The following NSUN3 variants were observed in gnomAD, a reference collection of about 807,000 sequenced individuals.
The protein encoded by NSUN3 is NOP2/Sun RNA methyltransferase 3.
NSUN3 carries 24 observed loss-of-function variants against 36.8 expected under a neutral mutation model. The ratio of observed to expected loss-of-function variants is 0.65; its 90% confidence interval spans 0.47 to 0.92. The LOEUF is 0.92. Ranked by LOEUF, NSUN3 falls within the 40% of genes least tolerant of loss-of-function variation. NSUN3 has a pLI of 0.00. For missense variants in NSUN3, 381 were observed against 392.8 expected, an observed-to-expected ratio of 0.97 and a Z score of 0.25; for synonymous variants, 146 against 145.2, an observed-to-expected ratio of 1.01 and a Z score of -0.04.
At chr3:94,078,442 G>A (rs548672885) in intron 2 of NSUN3, among the ~76,000 whole-genome samples, 2 of 152,308 alleles carry the variant, frequency 1.3e-5, no homozygotes, top group East Asian at 3.9e-4. Flanking sequence ...TTCTGTAGAT[G>A]TCTATTAGGT....
chr3:94,123,234 T>C (rs766081427), intron 5 of NSUN3, among the ~76,000 whole-genome samples: 4 of 152,198 alleles, frequency 2.6e-5, no homozygotes, highest in Non-Finnish European at 5.9e-5. Flanking sequence ...ACTCTGAGGC[T>C]TCACTCCTTT....
intron 5 of NSUN3, among the ~76,000 whole-genome samples, chr3:94,114,613 A>T (rs2077432028): frequency 6.6e-6 from 1 of 152,016 alleles, no homozygotes; most frequent in Non-Finnish European, 1.5e-5. Context: ...TTATTTTTTT[A>T]AATAATTTAT....
chr3:94,090,429 A>AT (rs1356165909), intron 3 of NSUN3, among the ~76,000 whole-genome samples: 1 of 152,202 alleles, frequency 6.6e-6, no homozygotes, highest in East Asian at 1.9e-4. Context: ...CAGACTATAT[A>AT]TAATTTAATG....
At chr3:94,094,764 A>T (rs2077330615) in intron 4 of NSUN3, among the ~76,000 whole-genome samples, 1 of 152,200 alleles carries the variant, frequency 6.6e-6, no homozygotes, top group African/African-American at 2.4e-5. Context: ...AAGGATATCA[A>T]ATAGCATTAG....
intron 2 of NSUN3, among the ~76,000 whole-genome samples, chr3:94,077,533 G>A (rs957847039): frequency 3.9e-5 from 6 of 152,062 alleles, no homozygotes; most frequent in African/African-American, 1.4e-4. Context: ...CTCTTTGTAC[G>A]TTTGGTAGAA....
At chr3:94,092,575 T>C (rs1168928571) in intron 3 of NSUN3, among the ~76,000 whole-genome samples, 1 of 151,938 alleles carries the variant, frequency 6.6e-6, no homozygotes, top group Admixed American at 6.6e-5. Context: ...CTCAACAAAA[T>C]TGATGCCATC....
chr3:94,092,194 G>T (rs1033406455), intron 3 of NSUN3, among the ~76,000 whole-genome samples: 3 of 152,148 alleles, frequency 2.0e-5, no homozygotes, highest in African/African-American at 7.2e-5. Flanking sequence ...GAGACAAAAA[G>T]CAGCCAGCAG....
intron 5 of NSUN3, among the ~76,000 whole-genome samples, chr3:94,096,730 C>T (rs1485733069): frequency 6.6e-6 from 1 of 152,110 alleles, no homozygotes; most frequent in Non-Finnish European, 1.5e-5. Context: ...GAACTCCTGA[C>T]CTCAAGTGAT....
At chr3:94,096,250 G>A (rs115238430) in intron 5 of NSUN3, among the ~76,000 whole-genome samples, 10 of 152,084 alleles carry the variant, frequency 6.6e-5, no homozygotes, top group African/African-American at 1.4e-4. Flanking sequence ...ATCAGATTAC[G>A]TCTCAGCTGA....
intron 2 of NSUN3, among the ~76,000 whole-genome samples, chr3:94,072,120 G>C (rs1309076352): frequency 6.6e-6 from 1 of 152,214 alleles, no homozygotes; most frequent in Admixed American, 6.5e-5. Context: ...TAGGCAGGAT[G>C]TGGCAAGCTG....
At chr3:94,122,441 G>A (rs79511655) in intron 5 of NSUN3, among the ~76,000 whole-genome samples, 2,087 of 152,010 alleles carry the variant, frequency 0.014, 47 homozygotes, top group African/African-American at 0.047. Flanking sequence ...TTCTAAAATT[G>A]TCAAAAAATT....
At chr3:94,087,356 A>G (rs908599869) in intron 3 of NSUN3, among the ~76,000 whole-genome samples, 3 of 152,200 alleles carry the variant, frequency 2.0e-5, no homozygotes, top group Non-Finnish European at 4.4e-5. Flanking sequence ...ACTGACCTTT[A>G]TTCTGGGCCA....
intron 5 of NSUN3, among the ~76,000 whole-genome samples, chr3:94,109,168 C>A (rs1449837634): frequency 6.6e-6 from 1 of 152,058 alleles, no homozygotes; most frequent in East Asian, 1.9e-4. Flanking sequence ...GGTGAAGAGA[C>A]CATTTTTATT....
At chr3:94,125,716 G>T (rs1401667273) in intron 5 of NSUN3, among the ~76,000 whole-genome samples, 1 of 152,082 alleles carries the variant, frequency 6.6e-6, no homozygotes, top group Admixed American at 6.6e-5. Context: ...CATGTTGATT[G>T]GTCTGATTAT....
intron 2 of NSUN3, among the ~76,000 whole-genome samples, chr3:94,071,637 T>C (rs766337668): frequency 1.3e-5 from 2 of 152,160 alleles, no homozygotes; most frequent in Non-Finnish European, 2.9e-5. Flanking sequence ...CAAAATGATA[T>C]CAGTGGTGCA....
intron 5 of NSUN3, among the ~76,000 whole-genome samples, chr3:94,112,866 A>G (rs1210482992): frequency 2.0e-5 from 3 of 152,102 alleles, no homozygotes; most frequent in Non-Finnish European, 4.4e-5. Flanking sequence ...AGAGAATAAC[A>G]AAACTCTTTT....
Position 94,084,125 on chromosome 3 carries a change from A to G in NSUN3, c.141A>G (p.Pro47=), listed in dbSNP as rs1351021201. 2 of 1,613,434 alleles carry G rather than the reference A, an allele frequency of 1.2e-6. No homozygotes were observed. Among genetic ancestry groups the G allele is most frequent in the South Asian group, 1.1e-5 (1 of 90,998 alleles). Residue 47 remains proline, a synonymous_variant, in exon 3 of 6, where the codon CCA becomes CCG. Transcript: ENST00000314622. ...WNTVREILTS[P]SCWQYAVLLN... ...TTTCTAGGGAGATACTAACATCTCC[A>G]TCATGCTGGCAATATGCTGTCCTGC...
intron 5 of NSUN3, 96 bp from the exon 6 acceptor site, chr3:94,126,115 A>G: frequency 1.0e-6 from 1 of 968,004 alleles, no homozygotes; most frequent in South Asian, 1.8e-5. Flanking sequence ...AAGTCAGAGT[A>G]AGGTTAGTTT....
intron 5 of NSUN3, among the ~76,000 whole-genome samples, chr3:94,095,896 G>A (rs557374350): frequency 4.0e-5 from 6 of 149,064 alleles, no homozygotes; most frequent in East Asian, 2.0e-4. Context: ...ACAGGTGTGC[G>A]CCACCAAGCC....
Sources: allele counts gnomAD v4.1 joint callset (sites outside exome capture counted in the v4.1 genomes callset), GRCh38; gene constraint gnomAD v4.1.1; transcripts MANE v1.5; gene names NCBI Gene and HGNC (gene_info 2026-07-23, HGNC 2026-07-21).